The following LPP variants were observed in gnomAD, a reference collection of about 807,000 sequenced individuals.
LPP encodes LIM domain containing preferred translocation partner in lipoma.
In LPP, 38 loss-of-function variants were observed where a neutral mutation model predicts 60.4. The observed-to-expected ratio is 0.63, with a 90% confidence interval of 0.49 to 0.83. The LOEUF (loss-of-function observed/expected upper bound fraction) is 0.83, where lower values mean the gene tolerates loss of function less well. Ranked by LOEUF, LPP falls within the 40% of genes least tolerant of loss-of-function variation. The pLI, the probability that LPP is intolerant of heterozygous loss-of-function variation, is 0.00. For synonymous variants in LPP, 328 were observed against 290.8 expected (o/e 1.13, Z -1.30); for missense variants, 902 against 783.6 (o/e 1.15, Z -1.80).
intron 11 of LPP, 86 bp from the exon 12 acceptor site, chr3:188,874,265 T>C: frequency 7.3e-7 from 1 of 1,374,788 alleles, no homozygotes; most frequent in Admixed American, 2.0e-5. Context: ...ATGGAGGCCT[T>C]GAATAGAAAG....
rs1770260536 is a variant in LPP, at chr3:188,883,239, T to G, written c.*8760T>G. 4.7e-6 allele frequency: 1 copy of G among 213,892 alleles called. No individual in the cohort carries two copies. The highest frequency in any genetic ancestry group is 6.9e-5 in the East Asian group (1 of 14,534). The allele number at this position is 213,892 out of a possible 1,614,324, so 13.2% of individuals were successfully genotyped here. On this transcript the variant is annotated 3_prime_UTR_variant, in exon 12 of 12. Coordinates refer to ENST00000617246, the MANE Select transcript of LPP (RefSeq NM_001375462.1). ...GCATTGCATTACTTTTTTGAATTTT[T>G]AAGAATCTCTAAAATTAGTCTGAAG...
intron 4 of LPP, among the ~76,000 whole-genome samples, chr3:188,443,413 GT>G (rs1794508877): frequency 6.6e-6 from 1 of 152,194 alleles, no homozygotes; most frequent in Admixed American, 6.5e-5. Flanking sequence ...GCCTGGCAGG[GT>G]TATCTTACGC....
chr3:188,376,017 G>T (rs1774956152), intron 3 of LPP, among the ~76,000 whole-genome samples: 1 of 152,196 alleles, frequency 6.6e-6, no homozygotes, highest in South Asian at 2.1e-4. Context: ...GAGCTGTTTT[G>T]AGTGAGTTTC....
intron 7 of LPP, among the ~76,000 whole-genome samples, chr3:188,700,237 T>C (rs1326299570): frequency 6.6e-6 from 1 of 152,190 alleles, no homozygotes; most frequent in Non-Finnish European, 1.5e-5. Context: ...AGCGGTGCTT[T>C]TCTGGTAAGG....
intron 5 of LPP, among the ~76,000 whole-genome samples, chr3:188,509,532 C>A (rs189847664): frequency 1.6e-3 from 244 of 152,076 alleles, no homozygotes; most frequent in Admixed American, 2.6e-3. Context: ...TAAGTGGACC[C>A]GTCCCATAAA....
intron 6 of LPP, among the ~76,000 whole-genome samples, chr3:188,590,949 A>T (rs188804618): frequency 6.6e-6 from 1 of 152,368 alleles, no homozygotes; most frequent in East Asian, 1.9e-4. Context: ...TACTTAAACT[A>T]TTTAGACAAA....
chr3:188,326,692 A>G (rs1758515341), intron 2 of LPP, among the ~76,000 whole-genome samples: 1 of 152,212 alleles, frequency 6.6e-6, no homozygotes, highest in African/African-American at 2.4e-5. Flanking sequence ...CCTTACTAAT[A>G]TAACTAGTTT....
intron 4 of LPP, among the ~76,000 whole-genome samples, chr3:188,453,940 C>A (rs1797174105): frequency 6.6e-6 from 1 of 152,144 alleles, no homozygotes; most frequent in African/African-American, 2.4e-5. Flanking sequence ...TATCCTATTA[C>A]ATTCTTCTCA....
At chr3:188,830,883 A>G (rs745328772) in intron 9 of LPP, among the ~76,000 whole-genome samples, 7 of 152,210 alleles carry the variant, frequency 4.6e-5, no homozygotes, top group Admixed American at 1.3e-4. Flanking sequence ...TGTTGAGTCC[A>G]GCTGACTGTT....
intron 9 of LPP, among the ~76,000 whole-genome samples, chr3:188,817,819 G>C (rs914907393): frequency 3.2e-4 from 49 of 152,308 alleles, no homozygotes; most frequent in African/African-American, 1.1e-3. Context: ...TACAGGGCAA[G>C]GAAATGTCTG....
At chr3:188,815,315 C>T (rs556842993) in intron 9 of LPP, among the ~76,000 whole-genome samples, 1 of 152,140 alleles carries the variant, frequency 6.6e-6, no homozygotes, top group Non-Finnish European at 1.5e-5. Context: ...ACAATACAAG[C>T]ATAATTAGAC....
At chr3:188,253,612 G>T (rs1320812376) in intron 2 of LPP, among the ~76,000 whole-genome samples, 1 of 152,162 alleles carries the variant, frequency 6.6e-6, no homozygotes, top group Admixed American at 6.5e-5. Context: ...GGAAAATGAG[G>T]TCCCAGGTAG....
chr3:188,569,550 T>C (rs1274700942), intron 6 of LPP, among the ~76,000 whole-genome samples: 2 of 152,066 alleles, frequency 1.3e-5, no homozygotes, highest in Admixed American at 6.6e-5. Context: ...GATTGGTAAC[T>C]AAACATTTAT....
In LPP at chr3:188,605,037, A is replaced by G. The variant is rs138553319; in HGVS notation, c.430-4124A>G. Reference sequence around the variant, plus strand: ...GCACAATAGACATGAAAGAAGGTCAATGTATCTCAAAGAGAGGTAGAAGAG... The same window carrying G: ...GCACAATAGACATGAAAGAAGGTCAGTGTATCTCAAAGAGAGGTAGAAGAG... On this transcript the variant is annotated intron_variant, in intron 6 of 11. Coordinates refer to ENST00000617246, the MANE Select transcript of LPP (RefSeq NM_001375462.1). Among the ~76,000 whole-genome samples, 634 of 152,312 alleles carry G rather than the reference A, an allele frequency of 4.2e-3. 8 individuals are homozygous for G. Among genetic ancestry groups the G allele is most frequent in the African/African-American group, 0.014 (601 of 41,572 alleles).
chr3:188,718,361 A>G (rs751475916), intron 8 of LPP, among the ~76,000 whole-genome samples: 1 of 152,234 alleles, frequency 6.6e-6, no homozygotes, highest in Admixed American at 6.5e-5. Flanking sequence ...AGGTGCAGAC[A>G]TAGGTCGGGC....
intron 2 of LPP, among the ~76,000 whole-genome samples, chr3:188,332,583 C>T (rs1760417111): frequency 6.6e-6 from 1 of 152,134 alleles, no homozygotes; most frequent in African/African-American, 2.4e-5. Flanking sequence ...GCTGGATAGA[C>T]TTTGGGTTCG....
chr3:188,580,736 G>T (rs1002717557), intron 6 of LPP, among the ~76,000 whole-genome samples: 3 of 152,134 alleles, frequency 2.0e-5, no homozygotes, highest in African/African-American at 7.2e-5. Flanking sequence ...AGAAAATAGT[G>T]CCAGAAAAAC....
At chr3:188,531,964 G>A (rs991989848) in intron 6 of LPP, among the ~76,000 whole-genome samples, 11 of 152,146 alleles carry the variant, frequency 7.2e-5, no homozygotes, top group Admixed American at 2.0e-4. Context: ...AGTGGAAACA[G>A]TCTTGTGGGA....
At chr3:188,690,049 G>A (rs1003615835) in intron 7 of LPP, among the ~76,000 whole-genome samples, 12 of 152,008 alleles carry the variant, frequency 7.9e-5, no homozygotes, top group African/African-American at 2.2e-4. Context: ...CCAAGATATT[G>A]CCAATATTTA....
Sources: gnomAD v4.1 joint callset for allele counts (sites outside exome capture counted in the v4.1 genomes callset) on GRCh38, gnomAD v4.1.1 for gene constraint, MANE v1.5 for transcripts, NCBI Gene and HGNC (gene_info 2026-07-23, HGNC 2026-07-21) for gene names.